The following ARPC5 variants were observed in gnomAD, a reference collection of about 807,000 sequenced individuals.
ARPC5 encodes the protein actin-related protein 2/3 complex subunit 5.
In ARPC5, 5 loss-of-function variants were observed where a neutral mutation model predicts 15.4. That is an observed-to-expected ratio of 0.32 (90% CI 0.17 to 0.68). The LOEUF is 0.68. Ranked by LOEUF, ARPC5 falls within the 30% of genes least tolerant of loss-of-function variation. The pLI is 0.71. For synonymous variants in ARPC5, 85 were observed against 72.2 expected, an observed-to-expected ratio of 1.18 and a Z score of -0.90; for missense variants, 138 against 192.8, an observed-to-expected ratio of 0.72 and a Z score of 1.68.
At chr1:183,633,210 C>G (rs761776205) in intron 1 of ARPC5, 56 bp from the exon 2 acceptor site, 2 of 1,224,520 alleles carry the variant, frequency 1.6e-6, no homozygotes, top group South Asian at 3.0e-5. Context: ...AGCATTATAA[C>G]CACTGGTTCT....
intron 2 of ARPC5, chr1:183,631,962 A>G (rs975303119): frequency 6.6e-6 from 1 of 152,206 alleles, no homozygotes; most frequent in African/African-American, 2.4e-5. Context: ...TCTACCACCT[A>G]CTGTTATCTT....
Position 183,630,453 on chromosome 1 carries a change from T to C in ARPC5, c.393+8A>G, listed in dbSNP as rs752574159. The C allele has an allele frequency of 6.3e-7, 1 of 1,595,032 alleles. No individual in the cohort carries two copies. The highest frequency in any genetic ancestry group is 1.7e-5 in the Admixed American group (1 of 57,684). ...ACCAGTCATATAGATTTATAATTCATAACTTACCTTTTCATGCCATTGCAG... is the reference window on the plus strand; with the variant it reads ...ACCAGTCATATAGATTTATAATTCACAACTTACCTTTTCATGCCATTGCAG... On this transcript the variant is annotated splice_region_variant and intron_variant, in intron 3 of 3. Coordinates refer to ENST00000359856, the MANE Select transcript of ARPC5 (RefSeq NM_005717.4).
chr1:183,623,585 CTTGT>C lies in ARPC5; in HGVS notation c.*3943_*3946del, dbSNP rs1370410916. The C allele has an allele frequency of 2.2e-5, 32 of 1,464,586 alleles. 1 individual carries two copies. In the Middle Eastern group the frequency reaches 8.7e-4, roughly 40 times the overall value. 90.7% of individuals were successfully genotyped at this position (1,464,586 alleles called of 1,614,324 possible). On this transcript the variant is annotated 3_prime_UTR_variant, in exon 4 of 4. Transcript: ENST00000359856. ...CGGCAGGAATATGGACAGAAGCAGC[CTTGT>C]TTAAGGGCACTTGGTTCTACAGAGG...
rs1558121102 is a variant in ARPC5, at chr1:183,627,596, TA to T, written c.394-3del. On this transcript the variant is annotated splice_polypyrimidine_tract_variant and splice_region_variant and intron_variant, in intron 3 of 3. Coordinates refer to ENST00000359856, the MANE Select transcript of ARPC5 (RefSeq NM_005717.4). ...CCCTACTCCTCCAGCAGCAAGTGCC[TA>T]AAAACAAACCAAGATGTAAATGTTG... 1.2e-6 allele frequency: 2 copies of T among 1,612,664 alleles called. No homozygotes were observed. Among genetic ancestry groups the T allele is most frequent in the South Asian group, 1.1e-5 (1 of 91,036 alleles).
In ARPC5 at chr1:183,635,645, T is replaced by C. The variant is rs776545813; in HGVS notation, c.15A>G (p.Thr5=). Residue 5 remains threonine (T), a synonymous_variant, in exon 1 of 4, where the codon ACA becomes ACG. Transcript: ENST00000359856. MSKN[T]VSSARFRKVD... is the part of the protein sequence containing the mutation. Reference sequence around the variant, plus strand: ...CCTTCCGGAAGCGGGCCGACGACACTGTGTTCTTCGACATCCCAATCCCGA... The same window carrying C: ...CCTTCCGGAAGCGGGCCGACGACACCGTGTTCTTCGACATCCCAATCCCGA... 17 of 1,612,838 alleles carry C rather than the reference T, an allele frequency of 1.1e-5. No homozygotes were observed. In the East Asian group the frequency reaches 3.3e-4, roughly 32 times the overall value.
Position 183,623,517 on chromosome 1 carries a change from T to C in ARPC5, c.*4015A>G. The stretch of plus-strand genomic sequence containing the variant: ...TTGGGGTTTTCACATATTGTACTAG[T>C]GACATTGGGGTGAGGGGGAGAGGGA... On this transcript the variant is annotated 3_prime_UTR_variant, in exon 4 of 4. Coordinates refer to ENST00000359856, the MANE Select transcript of ARPC5 (RefSeq NM_005717.4). 1 of 1,549,792 alleles carries C rather than the reference T, an allele frequency of 6.5e-7. No individual in the cohort carries two copies.
Position 183,635,776 on chromosome 1 carries a change from C to G in ARPC5, c.-117G>C, listed in dbSNP as rs529054008. On this transcript the variant is annotated 5_prime_UTR_variant, in exon 1 of 4. Coordinates refer to ENST00000359856, the MANE Select transcript of ARPC5 (RefSeq NM_005717.4). Reference sequence around the variant, plus strand: ...ACTTCCCTCTTCCGCTCTGAGGCGTCGCCGACTGCCGCGGCTCGGACCGTT... The same window carrying G: ...ACTTCCCTCTTCCGCTCTGAGGCGTGGCCGACTGCCGCGGCTCGGACCGTT... 2.2e-6 allele frequency: 3 copies of G among 1,365,882 alleles called. No homozygotes were observed. Among genetic ancestry groups the G allele is most frequent in the Admixed American group, 4.8e-5 (2 of 41,296 alleles). The allele number at this position is 1,365,882 out of a possible 1,614,324, so 84.6% of individuals were successfully genotyped here.
In ARPC5 at chr1:183,621,060, CA is replaced by C. The variant is rs1342372567; in HGVS notation, c.*6471del. The C allele has an allele frequency of 7.2e-5, 11 of 152,034 alleles. No homozygotes were observed. Among genetic ancestry groups the C allele is most frequent in the African/African-American group, 2.7e-4 (11 of 41,398 alleles). The allele number at this position is 152,034 out of a possible 1,614,324, so 9.4% of individuals were successfully genotyped here. A position where few individuals can be genotyped will look rare whatever the true frequency, so the allele number is the denominator to read the frequency against. ...GTGAAAAGATGTGCAATCTCATTTA[CA>C]TTAAGAGAAATGCAAATATATGATA... On this transcript the variant is annotated 3_prime_UTR_variant, in exon 4 of 4. Transcript: ENST00000359856.
chr1:183,627,367 A>G lies in ARPC5; in HGVS notation c.*165T>C. 1 of 676,974 alleles carries G rather than the reference A, an allele frequency of 1.5e-6. No homozygotes were observed. The allele number at this position is 676,974 out of a possible 1,614,324, so 41.9% of individuals were successfully genotyped here. A position where few individuals can be genotyped will look rare whatever the true frequency, so the allele number is the denominator to read the frequency against. On this transcript the variant is annotated 3_prime_UTR_variant, in exon 4 of 4. Coordinates refer to ENST00000359856, the MANE Select transcript of ARPC5 (RefSeq NM_005717.4). ...CTTCTATATTATCCCAATTTTCATT[A>G]AAGGACAACTGATATGTAATTTTTT...
At chr1:183,628,665 C>A (rs1649181110) in intron 3 of ARPC5, among the ~76,000 whole-genome samples, 1 of 152,112 alleles carries the variant, frequency 6.6e-6, no homozygotes, top group Non-Finnish European at 1.5e-5. Flanking sequence ...CCCAGATTAA[C>A]AGTATAGAGG....
chr1:183,622,760 G>C lies in ARPC5; in HGVS notation c.*4772C>G, dbSNP rs985508194. On this transcript the variant is annotated 3_prime_UTR_variant, in exon 4 of 4. Transcript: ENST00000359856. ...TATAGGGGCTGCACGTGGTACTCAT[G>C]GTGGCTCTGATTTCCACCTAAGGCT... The C allele has an allele frequency of 6.6e-6, 1 of 152,372 alleles. No homozygotes were observed. Among genetic ancestry groups the C allele is most frequent in the Admixed American group, 6.5e-5 (1 of 15,298 alleles). The allele number at this position is 152,372 out of a possible 1,614,324, so 9.4% of individuals were successfully genotyped here. A position where few individuals can be genotyped will look rare whatever the true frequency, so the allele number is the denominator to read the frequency against.
rs1649091469 is a variant in ARPC5 at position 183,626,246 on chromosome 1, A to T, written c.*1286T>A. ...TCTGAAGTTTTATCATTTTTACAAA[A>T]CAAAACAAAATGAAACAAAAAGCAG... On this transcript the variant is annotated 3_prime_UTR_variant, in exon 4 of 4. Coordinates refer to ENST00000359856, the MANE Select transcript of ARPC5 (RefSeq NM_005717.4). 1 of 152,258 alleles carries T rather than the reference A, an allele frequency of 6.6e-6. No individual in the cohort carries two copies. Among genetic ancestry groups the T allele is most frequent in the African/African-American group, 2.4e-5 (1 of 41,472 alleles). The allele number at this position is 152,258 out of a possible 1,614,324, so 9.4% of individuals were successfully genotyped here.
rs910472135 is a variant in ARPC5, at chr1:183,623,256, G to A, written c.*4276C>T. ...GGAACTGTTTCAGAGAGAAATAAGA[G>A]ATGTAAACATAGATTATTTATGTTG... On this transcript the variant is annotated 3_prime_UTR_variant, in exon 4 of 4. Transcript: ENST00000359856. 9.0e-6 allele frequency: 6 copies of A among 663,784 alleles called. No individual in the cohort carries two copies. The highest frequency in any genetic ancestry group is 1.0e-5 in the Non-Finnish European group (4 of 388,004). The allele number at this position is 663,784 out of a possible 1,614,324, so 41.1% of individuals were successfully genotyped here. A position where few individuals can be genotyped will look rare whatever the true frequency, so the allele number is the denominator to read the frequency against.
chr1:183,628,070 G>A (rs1036528783), intron 3 of ARPC5, among the ~76,000 whole-genome samples: 3 of 150,934 alleles, frequency 2.0e-5, no homozygotes, highest in South Asian at 2.1e-4. Context: ...CTACTCGGGA[G>A]GCTGAGGCAG....
At position 183,623,571 on chromosome 1, in the gene ARPC5, T is replaced by G. The variant is rs1037920626; in HGVS notation, c.*3961A>C. On this transcript the variant is annotated 3_prime_UTR_variant, in exon 4 of 4. Transcript: ENST00000359856. ...GGGCAGAGGTCCCGCGGCAGGAATA[T>G]GGACAGAAGCAGCCTTGTTTAAGGG... 6 of 1,517,236 alleles carry G rather than the reference T, an allele frequency of 4.0e-6. No homozygotes were observed. In the African/African-American group the frequency reaches 6.9e-5, roughly 17 times the overall value. 94.0% of individuals were successfully genotyped at this position (1,517,236 alleles called of 1,614,324 possible).
At chr1:183,629,154 A>T (rs574249952) in intron 3 of ARPC5, among the ~76,000 whole-genome samples, 1 of 152,392 alleles carries the variant, frequency 6.6e-6, no homozygotes, top group South Asian at 2.1e-4. Flanking sequence ...GAGGAATAAT[A>T]GCAAGCATTT....
Position 183,626,625 on chromosome 1 carries a change from G to A in ARPC5, c.*907C>T, listed in dbSNP as rs750873422. 7 of 152,576 alleles carry A rather than the reference G, an allele frequency of 4.6e-5. No individual in the cohort carries two copies. Among genetic ancestry groups the A allele is most frequent in the Non-Finnish European group, 8.8e-5 (6 of 68,028 alleles). 9.5% of individuals were successfully genotyped at this position (152,576 alleles called of 1,614,324 possible). A position where few individuals can be genotyped will look rare whatever the true frequency, so the allele number is the denominator to read the frequency against. ...AAGACATTTACGGGGCATATTAAATGGTATCTTAAATACTAGTTGTATACC... is the reference window on the plus strand; with the variant it reads ...AAGACATTTACGGGGCATATTAAATAGTATCTTAAATACTAGTTGTATACC... On this transcript the variant is annotated 3_prime_UTR_variant, in exon 4 of 4. Transcript: ENST00000359856.
chr1:183,620,900 C>G lies in ARPC5; in HGVS notation c.*6632G>C, dbSNP rs1648912707. On this transcript the variant is annotated 3_prime_UTR_variant, in exon 4 of 4. Coordinates refer to ENST00000359856, the MANE Select transcript of ARPC5 (RefSeq NM_005717.4). The stretch of plus-strand genomic sequence containing the variant: ...GTAAAAGCTATTATAAAGCGAAACT[C>G]AAAATGCAAGAAATATTTGACATTC... 1 of 151,828 alleles carries G rather than the reference C, an allele frequency of 6.6e-6. No individual in the cohort carries two copies. Among genetic ancestry groups the G allele is most frequent in the Admixed American group, 6.6e-5 (1 of 15,246 alleles). 9.4% of individuals were successfully genotyped at this position (151,828 alleles called of 1,614,324 possible).
chr1:183,632,522 A>G (rs1343335113), intron 2 of ARPC5: 2 of 152,246 alleles, frequency 1.3e-5, no homozygotes, highest in African/African-American at 2.4e-5. Context: ...AATGCTATAA[A>G]CTTATTGCGA....
Sources: allele counts gnomAD v4.1 joint callset (sites outside exome capture counted in the v4.1 genomes callset), GRCh38; gene constraint gnomAD v4.1.1; transcripts MANE v1.5; gene names NCBI Gene and HGNC (gene_info 2026-07-23, HGNC 2026-07-21).